The following ERCC4 variants were observed in gnomAD, a reference collection of about 807,000 sequenced individuals.
ERCC4 encodes DNA repair endonuclease XPF.
In ERCC4, 65 loss-of-function variants were observed where a neutral mutation model predicts 76.9. That is an observed-to-expected ratio of 0.84 (90% CI 0.69 to 1.04). The LOEUF (loss-of-function observed/expected upper bound fraction) is 1.04, where lower values mean the gene tolerates loss of function less well. ERCC4 is among the 50% of genes least tolerant of loss of function. The pLI, the probability that ERCC4 is intolerant of heterozygous loss-of-function variation, is 0.00. For synonymous variants in ERCC4, 463 were observed against 410.1 expected (o/e 1.13, Z -1.56); for missense variants, 1,214 against 1,128.2 (o/e 1.08, Z -1.09).
At chr16:13,930,918 C>T (rs2032160929) in intron 5 of ERCC4, 28 bp downstream of exon 5, 1 of 1,488,770 alleles carries the variant, frequency 6.7e-7, no homozygotes, top group Non-Finnish European at 9.4e-7. Context: ...TAATAATATT[C>T]TAAGAGCTGA....
At chr16:13,938,844 C>G (rs562114257) in intron 9 of ERCC4, among the ~76,000 whole-genome samples, 114 of 152,348 alleles carry the variant, frequency 7.5e-4, no homozygotes, top group Middle Eastern at 3.4e-3. Context: ...TACATATAAC[C>G]TGGATAGCCC....
chr16:13,923,064 G>T (rs1283300825), intron 2 of ERCC4, among the ~76,000 whole-genome samples: 1 of 152,048 alleles, frequency 6.6e-6, no homozygotes, highest in African/African-American at 2.4e-5. Context: ...GTAGTTGCTT[G>T]CTTATTTTGA....
At chr16:13,933,000 C>T in intron 6 of ERCC4, 1 of 282,912 alleles carries the variant, frequency 3.5e-6, no homozygotes, top group Non-Finnish European at 6.8e-6. Flanking sequence ...GAGCTGAGAT[C>T]ACACTACTGC....
rs2031947945 is a variant in ERCC4, at chr16:13,920,391, G to T, written c.207+19G>T. ...CGAGGAGGTGCGGCCGCGCTGGCGC[G>T]GGAGTGAGGGGACTCCGAGAGTGTT... On this transcript the variant is annotated intron_variant, in intron 1 of 10. Transcript: ENST00000311895. The T allele has an allele frequency of 1.9e-6, 3 of 1,543,706 alleles. No homozygotes were observed. The highest frequency in any genetic ancestry group is 2.7e-5 in the African/African-American group (2 of 73,380).
At chr16:13,935,027 G>T (rs2032254881) in intron 7 of ERCC4, 119 bp from the exon 8 acceptor site, 1 of 806,920 alleles carries the variant, frequency 1.2e-6, no homozygotes, top group Non-Finnish European at 2.2e-6. Flanking sequence ...TTTGTAAATT[G>T]TGGATCTTTA....
intron 3 of ERCC4, among the ~76,000 whole-genome samples, chr16:13,926,962 A>G (rs372888350): frequency 6.6e-6 from 1 of 152,206 alleles, no homozygotes; most frequent in African/African-American, 2.4e-5. Flanking sequence ...GTCGAGAGCA[A>G]TTTGATGGTT....
rs929043647 is a variant in ERCC4, at chr16:13,950,923, C to A, written c.*2576C>A. ...AAAATTGCACTAATACCAGTGCCCC[C>A]CTGGCTCTCCAAATCTGTTCTTTGC... On this transcript the variant is annotated 3_prime_UTR_variant, in exon 11 of 11. Coordinates refer to ENST00000311895, the MANE Select transcript of ERCC4 (RefSeq NM_005236.3). 1 of 190,408 alleles carries A rather than the reference C, an allele frequency of 5.3e-6. No individual in the cohort carries two copies. Among genetic ancestry groups the A allele is most frequent in the Non-Finnish European group, 1.1e-5 (1 of 91,980 alleles). The allele number at this position is 190,408 out of a possible 1,614,324, so 11.8% of individuals were successfully genotyped here. A position where few individuals can be genotyped will look rare whatever the true frequency, so the allele number is the denominator to read the frequency against.
At chr16:13,932,460 G>C (rs1308861876) in intron 6 of ERCC4, 175 bp downstream of exon 6, 5 of 645,120 alleles carry the variant, frequency 7.8e-6, no homozygotes, top group Non-Finnish European at 2.7e-6. Flanking sequence ...TATATGTAAA[G>C]TATATGTGTA....
intron 6 of ERCC4, chr16:13,933,176 C>T (rs536222992): frequency 3.9e-4 from 90 of 232,722 alleles, no homozygotes; most frequent in African/African-American, 2.0e-3. Flanking sequence ...GATATGATCA[C>T]ACCACTATAC....
intron 1 of ERCC4, 91 bp downstream of exon 1, chr16:13,920,463 C>T: frequency 8.5e-7 from 1 of 1,173,264 alleles, no homozygotes; most frequent in Non-Finnish European, 1.2e-6. Context: ...GATGGAGGGG[C>T]TCTGAGGGGG....
chr16:13,932,702 G>C (rs113393518), intron 6 of ERCC4: 187 of 228,394 alleles, frequency 8.2e-4, no homozygotes, highest in Middle Eastern at 6.7e-3. Flanking sequence ...GCTTGAGCCC[G>C]GGAGTTCAAG....
Position 13,948,271 on chromosome 16 carries a change from C to A in ERCC4, c.2675C>A (p.Ala892Glu), listed in dbSNP as rs747268097. Residue 892 changes from alanine to glutamate, a missense_variant, in exon 11 of 11, where the codon GCA (alanine) becomes GAA (glutamate). By Grantham distance (107) the Ala-to-Glu change is moderately radical. Coordinates refer to ENST00000311895, the MANE Select transcript of ERCC4 (RefSeq NM_005236.3). ...DELTSILGNA[A>E]NAKQLYDFIH... ...CTCACGAGTATTCTGGGGAATGCTGCAAATGCCAAACAGCTTTATGATTTC... is the reference window on the plus strand; with the variant it reads ...CTCACGAGTATTCTGGGGAATGCTGAAAATGCCAAACAGCTTTATGATTTC... 1 of 1,614,072 alleles carries A rather than the reference C, an allele frequency of 6.2e-7. No individual in the cohort carries two copies. Among genetic ancestry groups the A allele is most frequent in the East Asian group, 2.2e-5 (1 of 44,858 alleles).
intron 5 of ERCC4, 120 bp from the exon 6 acceptor site, chr16:13,932,037 G>A (rs1478029805): frequency 3.5e-6 from 3 of 855,836 alleles, no homozygotes; most frequent in African/African-American, 1.6e-5. Context: ...GTGGGAGGCG[G>A]TGTGGTTGGT....
chr16:13,930,469 C>T (rs1364514202), intron 4 of ERCC4, among the ~76,000 whole-genome samples: 1 of 152,108 alleles, frequency 6.6e-6, no homozygotes, highest in African/African-American at 2.4e-5. Context: ...AGCAGTAAGA[C>T]ATTCTTCTAT....
Position 13,944,761 on chromosome 16 carries a change from G to A in ERCC4, c.1943G>A (p.Gly648Asp), listed in dbSNP as rs752265539. 5 of 1,613,948 alleles carry A rather than the reference G, an allele frequency of 3.1e-6. No homozygotes were observed. In the South Asian group the frequency reaches 4.4e-5, roughly 14 times the overall value. ...ATGGTTGTCCCTGAAGAAAGAGAAGGCAGAGATGAAACAAACTTAGACCTA... is the reference window on the plus strand; with the variant it reads ...ATGGTTGTCCCTGAAGAAAGAGAAGACAGAGATGAAACAAACTTAGACCTA... The part of the protein sequence containing the change: ...ASMVVPEERE[G>D]RDETNLDLVR... Residue 648 changes from glycine to aspartate, a missense_variant, in exon 10 of 11, where the codon GGC becomes GAC. Transcript: ENST00000311895.
chr16:13,924,908 C>A (rs915114131), intron 2 of ERCC4, among the ~76,000 whole-genome samples: 7 of 152,114 alleles, frequency 4.6e-5, no homozygotes, highest in Non-Finnish European at 1.0e-4. Context: ...ACAAAAAAAA[C>A]TAAAGTAGGC....
chr16:13,928,153 T>G lies in ERCC4; in HGVS notation c.710T>G (p.Leu237Arg). The G allele has an allele frequency of 6.2e-7, 1 of 1,613,426 alleles. No homozygotes were observed. The highest frequency in any genetic ancestry group is 1.7e-5 in the Admixed American group (1 of 60,020). Reference sequence around the variant, plus strand: ...ATACTGGACATTTTAAATGCATGTCTAAAGGAACTAAAATGCCATAACCCA... The same window carrying G: ...ATACTGGACATTTTAAATGCATGTCGAAAGGAACTAAAATGCCATAACCCA... ...TAILDILNAC[L>R]KELKCHNPSL... Residue 237 changes from leucine (L) to arginine (R), a missense_variant, in exon 4 of 11, where the codon CTA (leucine) becomes CGA (arginine). Coordinates refer to ENST00000311895, the MANE Select transcript of ERCC4 (RefSeq NM_005236.3).
intron 9 of ERCC4, among the ~76,000 whole-genome samples, chr16:13,943,698 A>C (rs772268586): frequency 3.3e-5 from 5 of 150,792 alleles, no homozygotes; most frequent in Non-Finnish European, 7.4e-5. Context: ...CCCTCACCTT[A>C]GTCTGTTTTA....
rs548735957 is a variant in ERCC4, at chr16:13,949,762, T to C, written c.*1415T>C. ...TTAAACTTTTATATTTAAACATTAT[T>C]AAGTTGGCTTTTGTTCACATGTTGA... On this transcript the variant is annotated 3_prime_UTR_variant, in exon 11 of 11. Coordinates refer to ENST00000311895, the MANE Select transcript of ERCC4 (RefSeq NM_005236.3). 4.3e-6 allele frequency: 1 copy of C among 232,320 alleles called. No individual in the cohort carries two copies. Among genetic ancestry groups the C allele is most frequent in the South Asian group, 1.8e-4 (1 of 5,520 alleles). 14.4% of individuals were successfully genotyped at this position (232,320 alleles called of 1,614,324 possible). A position where few individuals can be genotyped will look rare whatever the true frequency, so the allele number is the denominator to read the frequency against.
Sources: allele counts gnomAD v4.1 joint callset (sites outside exome capture counted in the v4.1 genomes callset), GRCh38; gene constraint gnomAD v4.1.1; transcripts MANE v1.5; gene names NCBI Gene and HGNC (gene_info 2026-07-23, HGNC 2026-07-21).